The following MAP3K20 variants were observed in gnomAD, a reference collection of about 807,000 sequenced individuals.
MAP3K20 encodes the protein mitogen-activated protein kinase kinase kinase 20, also known as HCCS-4.
In MAP3K20, 40 loss-of-function variants were observed where a neutral mutation model predicts 85.7. The observed-to-expected ratio is 0.47, with a 90% CI of 0.36 to 0.61. MAP3K20 has a LOEUF of 0.61. MAP3K20 is among the 20% of genes least tolerant of loss of function. MAP3K20 has a pLI of 0.00. For synonymous variants in MAP3K20, 325 were observed against 327.7 expected, an observed-to-expected ratio of 0.99 and a Z score of 0.09; for missense variants, 817 against 961.7, an observed-to-expected ratio of 0.85 and a Z score of 1.99.
chr2:173,138,200 A>G (rs1020517768), intron 2 of MAP3K20, among the ~76,000 whole-genome samples: 1 of 151,938 alleles, frequency 6.6e-6, no homozygotes, highest in Non-Finnish European at 1.5e-5. Flanking sequence ...TGAATTCCTG[A>G]CCTCGTGTTT....
intron 2 of MAP3K20, among the ~76,000 whole-genome samples, chr2:173,144,514 GA>G (rs1240240300): frequency 1.4e-5 from 2 of 141,906 alleles, no homozygotes; most frequent in Non-Finnish European, 3.1e-5. Flanking sequence ...GAAGAGAAAA[GA>G]AAAAAAAGAG....
intron 2 of MAP3K20, among the ~76,000 whole-genome samples, chr2:173,145,801 G>A (rs1465610599): frequency 6.6e-6 from 1 of 152,026 alleles, no homozygotes; most frequent in Non-Finnish European, 1.5e-5. Context: ...AAAAAGACTA[G>A]TATAAGAATA....
intron 17 of MAP3K20, among the ~76,000 whole-genome samples, chr2:173,259,072 T>A (rs1208555098): frequency 6.6e-6 from 1 of 152,204 alleles, no homozygotes; most frequent in African/African-American, 2.4e-5. Flanking sequence ...TTTTGTCTAT[T>A]ATTTCTTTAT....
chr2:173,259,782 C>G (rs762372884), intron 17 of MAP3K20, among the ~76,000 whole-genome samples: 1 of 152,188 alleles, frequency 6.6e-6, no homozygotes, highest in Non-Finnish European at 1.5e-5. Context: ...CATTATTTAT[C>G]TGTAAGGGTT....
intron 2 of MAP3K20, among the ~76,000 whole-genome samples, chr2:173,138,074 TCTC>T (rs1307874810): frequency 1.2e-4 from 18 of 152,162 alleles, no homozygotes; most frequent in Non-Finnish European, 2.5e-4. Context: ...TTCAAGCAAT[TCTC>T]CTGCCTCAGC....
chr2:173,182,796 C>A, intron 3 of MAP3K20, 58 bp from the exon 4 acceptor site: 3 of 1,193,038 alleles, frequency 2.5e-6, no homozygotes, highest in East Asian at 2.8e-5. Context: ...AATATAAAGT[C>A]TTATTTCTGA....
rs148031786 is a variant in MAP3K20, at chr2:173,140,426, G to A, written c.160-29379G>A. Among the ~76,000 whole-genome samples, 1,018 of 151,942 alleles carry A rather than the reference G, an allele frequency of 6.7e-3. 21 individuals are homozygous for A. The highest frequency in any genetic ancestry group is 5.6e-3 in the Non-Finnish European group (384 of 67,968). ...TGCAGGGGCACAATCTCAGCTCACC[G>A]CAACCTCTCTGCCTCCTGAATTCAA... is the stretch of plus-strand genomic sequence containing the variant. On this transcript the variant is annotated intron_variant, in intron 2 of 19. Coordinates refer to ENST00000375213, the MANE Select transcript of MAP3K20 (RefSeq NM_016653.3).
intron 2 of MAP3K20, among the ~76,000 whole-genome samples, chr2:173,154,159 C>T (rs146397419): frequency 0.013 from 1,941 of 152,062 alleles, 23 homozygotes; most frequent in Middle Eastern, 0.024. Context: ...GCATGCACCC[C>T]GTCCCAGCTA....
chr2:173,183,122 T>C (rs1690380175), intron 4 of MAP3K20, among the ~76,000 whole-genome samples, 167 bp downstream of exon 4: 1 of 152,210 alleles, frequency 6.6e-6, no homozygotes, highest in South Asian at 2.1e-4. Context: ...TTTTAGGTCA[T>C]TGCCTTTCCA....
intron 7 of MAP3K20, chr2:173,197,616 T>C (rs1407174039): frequency 6.5e-6 from 1 of 153,104 alleles, no homozygotes; most frequent in Non-Finnish European, 1.5e-5. Flanking sequence ...ATTGAACCTT[T>C]TAAAATATTG....
At chr2:173,131,116 A>G (rs770528007) in intron 2 of MAP3K20, among the ~76,000 whole-genome samples, 4 of 152,206 alleles carry the variant, frequency 2.6e-5, no homozygotes, top group Non-Finnish European at 5.9e-5. Flanking sequence ...AATCGCAGCA[A>G]CAGAGGCAGC....
rs552021839 is a variant in MAP3K20 at position 173,181,008 on chromosome 2, A to G, written c.248-1846A>G. Among the ~76,000 whole-genome samples the G allele has an allele frequency of 3.9e-5, 6 of 152,350 alleles. No homozygotes were observed. The South Asian group carries it at 1.2e-3, about 32-fold the overall frequency. On this transcript the variant is annotated intron_variant, in intron 3 of 19. Transcript: ENST00000375213. ...ATCATATATATGACAAAGGACTTGT[A>G]TCTAGAACTAAAAAAAATTATTAGA... is the stretch of plus-strand genomic sequence containing the variant.
intron 10 of MAP3K20, among the ~76,000 whole-genome samples, chr2:173,216,231 C>A (rs2106313796): frequency 6.6e-6 from 1 of 152,350 alleles, no homozygotes; most frequent in African/African-American, 2.4e-5. Flanking sequence ...ACCAGTTCCA[C>A]TTTCTGTGAA....
At chr2:173,169,718 T>TA in intron 2 of MAP3K20, 87 bp from the exon 3 acceptor site, 1 of 1,357,276 alleles carries the variant, frequency 7.4e-7, no homozygotes, top group Non-Finnish European at 1.0e-6. Context: ...AGACCCTAAC[T>TA]CAAAAAAAAA....
At position 173,103,289 on chromosome 2, in the gene MAP3K20, G is replaced by A. The variant is rs571620370; in HGVS notation, c.159+12099G>A. On this transcript the variant is annotated intron_variant, in intron 2 of 19. Coordinates refer to ENST00000375213, the MANE Select transcript of MAP3K20 (RefSeq NM_016653.3). Reference sequence around the variant, plus strand: ...CATTCTTCTATGGGAAAAACCTTATGTGCAAAGAAGCCTAGGGATTGTAGT... The same window carrying A: ...CATTCTTCTATGGGAAAAACCTTATATGCAAAGAAGCCTAGGGATTGTAGT... Among the ~76,000 whole-genome samples, 180 of 152,204 alleles carry A rather than the reference G, an allele frequency of 1.2e-3. 2 individuals are homozygous for A. The highest frequency in any genetic ancestry group is 4.1e-3 in the African/African-American group (171 of 41,530).
At chr2:173,146,567 C>G (rs1386063290) in intron 2 of MAP3K20, among the ~76,000 whole-genome samples, 8 of 152,182 alleles carry the variant, frequency 5.3e-5, no homozygotes, top group Non-Finnish European at 8.8e-5. Context: ...CCCAGTTCTC[C>G]TCAAGTCCCC....
intron 2 of MAP3K20, among the ~76,000 whole-genome samples, chr2:173,102,227 A>G (rs1367794043): frequency 1.3e-5 from 2 of 152,242 alleles, no homozygotes; most frequent in African/African-American, 4.8e-5. Flanking sequence ...TAAGATTTAC[A>G]GAAAGGTTTC....
chr2:173,179,704 G>GCGCGCACACA lies in MAP3K20; in HGVS notation c.248-3149_248-3148insGCGCACACAC, dbSNP rs374335619. Reference sequence around the variant, plus strand: ...ATAGGTAGAAAATCCTAAGGAATGCGCACACACACACACACACACACACAC... The same window carrying GCGCGCACACA: ...ATAGGTAGAAAATCCTAAGGAATGCGCGCGCACACACACACACACACACACACACACACAC... On this transcript the variant is annotated intron_variant, in intron 3 of 19. Coordinates refer to ENST00000375213, the MANE Select transcript of MAP3K20 (RefSeq NM_016653.3). Among the ~76,000 whole-genome samples the GCGCGCACACA allele has an allele frequency of 4.4e-4, 65 of 146,174 alleles. No homozygotes were observed. In the East Asian group the frequency reaches 0.011, roughly 24 times the overall value.
chr2:173,216,522 A>T (rs1684077450), intron 10 of MAP3K20, among the ~76,000 whole-genome samples: 1 of 149,790 alleles, frequency 6.7e-6, no homozygotes, highest in Non-Finnish European at 1.5e-5. Context: ...TTTTTTTTTA[A>T]AAAACAAGTT....
Sources: allele counts gnomAD v4.1 joint callset (sites outside exome capture counted in the v4.1 genomes callset), GRCh38; gene constraint gnomAD v4.1.1; transcripts MANE v1.5; gene names NCBI Gene and HGNC (gene_info 2026-07-23, HGNC 2026-07-21).